The following ZNF670 variants were observed in gnomAD, a reference collection of about 807,000 sequenced individuals.
ZNF670 encodes zinc finger protein 670.
A neutral mutation model predicts 10.9 loss-of-function variants in ZNF670; 7 were observed. That is an observed-to-expected ratio of 0.64 (90% CI 0.36 to 1.20). The LOEUF (loss-of-function observed/expected upper bound fraction) is 1.20, where lower values mean the gene tolerates loss of function less well. ZNF670 is among the 50% of genes most tolerant of loss of function. The pLI is 0.02. For missense variants in ZNF670, 446 were observed against 458.6 expected (o/e 0.97, Z 0.25); for synonymous variants, 136 against 152.7 (o/e 0.89, Z 0.81).
In ZNF670 at chr1:247,042,618, T is replaced by C. The variant is rs532813250; in HGVS notation, c.4-3081A>G. On this transcript the variant is annotated intron_variant, in intron 1 of 3. Transcript: ENST00000366503. ...CAAAACCCAGAGAGAGCACCCAGGC[T>C]TGTTTTCACCATATCCTGATGTGAC... is the stretch of plus-strand genomic sequence containing the variant. 4.5e-4 allele frequency among the ~76,000 whole-genome samples: 69 copies of C among 152,330 alleles called. 1 individual carries two copies. The South Asian group carries it at 0.013, about 29-fold the overall frequency.
chr1:247,048,795 G>A (rs1273709646), intron 1 of ZNF670, among the ~76,000 whole-genome samples: 2 of 152,128 alleles, frequency 1.3e-5, no homozygotes, highest in Non-Finnish European at 2.9e-5. Flanking sequence ...GGAGAAACTT[G>A]CCAAACACTC....
intron 1 of ZNF670, among the ~76,000 whole-genome samples, chr1:247,040,330 C>T (rs1335047701): frequency 6.6e-6 from 1 of 152,142 alleles, no homozygotes; most frequent in Non-Finnish European, 1.5e-5. Context: ...ACAAACAAAA[C>T]AATTTTAAAA....
At position 247,035,593 on chromosome 1, in the gene ZNF670, ATAAAC is replaced by A. The variant is rs761406164; in HGVS notation, c.*1851_*1855del. Among the ~76,000 whole-genome samples, 2 of 152,230 alleles carry A rather than the reference ATAAAC, an allele frequency of 1.3e-5. No individual in the cohort carries two copies. The highest frequency in any genetic ancestry group is 4.8e-5 in the African/African-American group (2 of 41,458). On this transcript the variant is annotated 3_prime_UTR_variant, in exon 4 of 4. Coordinates refer to ENST00000366503, the MANE Select transcript of ZNF670 (RefSeq NM_033213.5). ...TATTGTAGTGCTAATTACACATAAT[ATAAAC>A]TAGTTATGCATAATTCATAGTAACT...
At chr1:247,048,778 G>A (rs866353226) in intron 1 of ZNF670, among the ~76,000 whole-genome samples, 5 of 152,144 alleles carry the variant, frequency 3.3e-5, no homozygotes, top group Admixed American at 2.0e-4. Context: ...GAAGAAGAAT[G>A]ACTGAAGGAG....
chr1:247,063,312 G>A (rs577877104), intron 1 of ZNF670, among the ~76,000 whole-genome samples: 5 of 152,280 alleles, frequency 3.3e-5, no homozygotes, highest in South Asian at 4.1e-4. Flanking sequence ...GGTGGCTCAC[G>A]CCTGTAATCC....
Position 247,068,829 on chromosome 1 carries a change from CAAAAAAAAAA to C in ZNF670, c.3+9755_3+9764del, listed in dbSNP as rs35582452. Among the ~76,000 whole-genome samples, 262 of 85,596 alleles carry C rather than the reference CAAAAAAAAAA, an allele frequency of 3.1e-3. 15 individuals carry two copies. The highest frequency in any genetic ancestry group is 0.013 in the Middle Eastern group (2 of 150). 56.2% of individuals were successfully genotyped at this position (85,596 alleles called of 152,430 possible). A position where few individuals can be genotyped will look rare whatever the true frequency, so the allele number is the denominator to read the frequency against. ...TACACACACTGGGGTACTATTTTGC[CAAAAAAAAAA>C]AAAAAAAAAAGAATGAGATCCAGTC... On this transcript the variant is annotated intron_variant, in intron 1 of 3. Transcript: ENST00000366503.
At chr1:247,078,457 C>T in intron 1 of ZNF670, 137 bp downstream of exon 1, 5 of 1,135,430 alleles carry the variant, frequency 4.4e-6, no homozygotes, top group East Asian at 2.6e-5. Context: ...CGGGTCCAGC[C>T]CCGCATCCTG....
At chr1:247,054,082 C>T (rs558160010) in intron 1 of ZNF670, among the ~76,000 whole-genome samples, 21 of 152,312 alleles carry the variant, frequency 1.4e-4, no homozygotes, top group Non-Finnish European at 2.8e-4. Flanking sequence ...GCTGCCAACA[C>T]CAGGCAGAAC....
rs1016100219 is a variant in ZNF670 at position 247,034,700 on chromosome 1, A to G, written c.*2749T>C. 6.6e-6 allele frequency among the ~76,000 whole-genome samples: 1 copy of G among 152,200 alleles called. No homozygotes were observed. The highest frequency in any genetic ancestry group is 1.5e-5 in the Non-Finnish European group (1 of 68,036). The stretch of plus-strand genomic sequence containing the variant: ...GCTTAATTCTCCCCAGCATGGGGAC[A>G]TTCTTCCTTTCTGCAACTTCACACA... On this transcript the variant is annotated 3_prime_UTR_variant, in exon 4 of 4. Transcript: ENST00000366503.
At chr1:247,076,734 C>T (rs1383708715) in intron 1 of ZNF670, among the ~76,000 whole-genome samples, 1 of 151,134 alleles carries the variant, frequency 6.6e-6, no homozygotes, top group African/African-American at 2.4e-5. Context: ...CATCTCAGCT[C>T]ACTGCAACCT....
intron 1 of ZNF670, among the ~76,000 whole-genome samples, chr1:247,051,691 T>A (rs947510692): frequency 3.3e-5 from 5 of 152,334 alleles, no homozygotes; most frequent in African/African-American, 9.6e-5. Context: ...TCCTCAATTA[T>A]TTCCTCAAAT....
chr1:247,068,829 C>CAA (rs35582452), intron 1 of ZNF670, among the ~76,000 whole-genome samples: 19,134 of 85,394 alleles, frequency 0.22, 1,999 homozygotes, highest in Middle Eastern at 0.32. Context: ...ACTATTTTGC[C>CAA]AAAAAAAAAA....
At chr1:247,076,794 G>A (rs1350168174) in intron 1 of ZNF670, among the ~76,000 whole-genome samples, 1 of 152,110 alleles carries the variant, frequency 6.6e-6, no homozygotes, top group East Asian at 1.9e-4. Context: ...CTGAGTAGCT[G>A]GGATTACAGG....
At chr1:247,065,830 A>G (rs1429525402) in intron 1 of ZNF670, among the ~76,000 whole-genome samples, 1 of 152,230 alleles carries the variant, frequency 6.6e-6, no homozygotes, top group Non-Finnish European at 1.5e-5. Context: ...ATGAAGGGTC[A>G]GTTTATCCAT....
chr1:247,042,922 A>G, intron 1 of ZNF670: 1 of 679,698 alleles, frequency 1.5e-6, no homozygotes, highest in Non-Finnish European at 2.7e-6. Context: ...AACACTGTGA[A>G]TTTTCATTCA....
intron 1 of ZNF670, among the ~76,000 whole-genome samples, chr1:247,045,936 T>A (rs1226866027): frequency 6.6e-6 from 1 of 152,178 alleles, no homozygotes; most frequent in Non-Finnish European, 1.5e-5. Context: ...GTCACCCATG[T>A]TACACCCTGG....
rs74163726 is a variant in ZNF670 at position 247,072,804 on chromosome 1, GTATATATATATATATA to G, written c.3+5774_3+5789del. On this transcript the variant is annotated intron_variant, in intron 1 of 3. Coordinates refer to ENST00000366503, the MANE Select transcript of ZNF670 (RefSeq NM_033213.5). The stretch of plus-strand genomic sequence containing the variant: ...CTCTGTCTCAAAAAAAAAAGTGTGT[GTATATATATATATATA>G]TATATATATATATATATATGCATAC... 1.0e-3 allele frequency among the ~76,000 whole-genome samples: 48 copies of G among 47,654 alleles called. 3 individuals are homozygous for G. The highest frequency in any genetic ancestry group is 4.0e-3 in the South Asian group (4 of 1,000). The allele number at this position is 47,654 out of a possible 152,430, so 31.3% of individuals were successfully genotyped here.
Position 247,037,632 on chromosome 1 carries a change from T to A in ZNF670, c.987A>T (p.Arg329Ser), listed in dbSNP as rs1326840715. ...KYSSNLCEHE[R>S]THTGVKPYGC... ...CATAAGGTTTCACTCCAGTGTGAGT[T>A]CTTTCATGCTCACATAGGTTACTAG... is the stretch of plus-strand genomic sequence containing the variant. Residue 329 changes from arginine (R) to serine (S), a missense_variant, in exon 4 of 4, where the codon AGA becomes AGT. Transcript: ENST00000366503. The A allele has an allele frequency of 6.2e-7, 1 of 1,614,100 alleles. No homozygotes were observed. Among genetic ancestry groups the A allele is most frequent in the Non-Finnish European group, 8.5e-7 (1 of 1,179,970 alleles).
At chr1:247,061,538 A>G (rs1288433709) in intron 1 of ZNF670, among the ~76,000 whole-genome samples, 1 of 152,084 alleles carries the variant, frequency 6.6e-6, no homozygotes, top group African/African-American at 2.4e-5. Context: ...AATAGAAAAA[A>G]CTATACAACG....
Sources: allele counts gnomAD v4.1 joint callset (sites outside exome capture counted in the v4.1 genomes callset), GRCh38; gene constraint gnomAD v4.1.1; transcripts MANE v1.5; gene names NCBI Gene and HGNC (gene_info 2026-07-23, HGNC 2026-07-21).